SLC9A9: variants seen among roughly 807,000 people sequenced by gnomAD.
SLC9A9 encodes the protein solute carrier family 9 member A9.
Under a neutral mutation model 77.8 loss-of-function variants are expected in SLC9A9, and 62 were observed. The observed-to-expected ratio is 0.80, with a 90% CI of 0.65 to 0.98. SLC9A9 has a LOEUF of 0.98. SLC9A9 is among the 50% of genes least tolerant of loss of function. The probability of loss-of-function intolerance (pLI) is 0.00; values close to 1 mark genes in which losing one functional copy is unlikely to be tolerated. For missense variants in SLC9A9, 775 were observed against 774.9 expected (o/e 1.00, Z 0.00); for synonymous variants, 320 against 283.5 (o/e 1.13, Z -1.29).
intron 4 of SLC9A9, among the ~76,000 whole-genome samples, chr3:143,695,150 C>T (rs528180718): frequency 2.6e-5 from 4 of 152,190 alleles, no homozygotes; most frequent in African/African-American, 9.6e-5. Flanking sequence ...TAGCTTCATT[C>T]AGCTTATTTA....
chr3:143,447,367 A>G (rs2034864911), intron 12 of SLC9A9, among the ~76,000 whole-genome samples: 1 of 152,188 alleles, frequency 6.6e-6, no homozygotes, highest in African/African-American at 2.4e-5. Context: ...AAACAATACT[A>G]TTATATCATT....
At chr3:143,274,637 A>G (rs1209150098) in intron 14 of SLC9A9, among the ~76,000 whole-genome samples, 2 of 152,186 alleles carry the variant, frequency 1.3e-5, no homozygotes, top group Non-Finnish European at 2.9e-5. Flanking sequence ...TCACCATGCC[A>G]CTGGTTATAG....
At position 143,591,014 on chromosome 3, in the gene SLC9A9, T is replaced by A. The variant is rs2037636565; in HGVS notation, c.756-12291A>T. On this transcript the variant is annotated intron_variant, in intron 6 of 15. Coordinates refer to ENST00000316549, the MANE Select transcript of SLC9A9 (RefSeq NM_173653.4). ...AAAGGAGTCTTCATAGACAATGGGC[T>A]GCCTTCTTAATCTGGGTGCCTTTCA... is the stretch of plus-strand genomic sequence containing the variant. Among the ~76,000 whole-genome samples the A allele has an allele frequency of 2.0e-5, 3 of 152,210 alleles. No individual in the cohort carries two copies. The South Asian group carries it at 6.2e-4, about 31-fold the overall frequency.
At chr3:143,748,692 C>CTTTTT (rs35698779) in intron 4 of SLC9A9, among the ~76,000 whole-genome samples, 26 of 106,006 alleles carry the variant, frequency 2.5e-4, no homozygotes, top group South Asian at 3.6e-4. Context: ...TTTGACCAAG[C>CTTTTT]TTTTTTTTTT....
At chr3:143,445,865 A>G (rs1442517735) in intron 12 of SLC9A9, among the ~76,000 whole-genome samples, 1 of 152,182 alleles carries the variant, frequency 6.6e-6, no homozygotes, top group Non-Finnish European at 1.5e-5. Context: ...AATAAAATGC[A>G]AAGTGAAGCT....
chr3:143,345,792 A>G (rs572411007), intron 14 of SLC9A9, among the ~76,000 whole-genome samples: 13 of 152,288 alleles, frequency 8.5e-5, no homozygotes, highest in African/African-American at 2.6e-4. Context: ...CCAGATGGGT[A>G]TAACAAAAAG....
At chr3:143,637,913 C>G (rs2038553018) in intron 6 of SLC9A9, among the ~76,000 whole-genome samples, 1 of 152,184 alleles carries the variant, frequency 6.6e-6, no homozygotes, top group African/African-American at 2.4e-5. Flanking sequence ...TCCATGAAAA[C>G]TTGTATTAGA....
chr3:143,751,213 TTGCAGA>T (rs1285982650), intron 4 of SLC9A9, among the ~76,000 whole-genome samples: 12 of 152,284 alleles, frequency 7.9e-5, no homozygotes, highest in Non-Finnish European at 1.8e-4. Flanking sequence ...GGAGAAAAGG[TTGCAGA>T]CTCTCTGAAG....
At chr3:143,459,160 T>G (rs370793763) in intron 12 of SLC9A9, among the ~76,000 whole-genome samples, 77 of 152,238 alleles carry the variant, frequency 5.1e-4, no homozygotes, top group African/African-American at 1.4e-3. Flanking sequence ...TGTATGCTCT[T>G]ACTTCTTGGG....
chr3:143,278,954 G>GAACT (rs1204044534), intron 14 of SLC9A9, among the ~76,000 whole-genome samples: 1 of 151,242 alleles, frequency 6.6e-6, no homozygotes, highest in Non-Finnish European at 1.5e-5. Flanking sequence ...ACAAAAAATG[G>GAACT]AACTAACTAA....
chr3:143,615,465 C>A (rs919197663), intron 6 of SLC9A9, among the ~76,000 whole-genome samples: 1 of 152,098 alleles, frequency 6.6e-6, no homozygotes, highest in African/African-American at 2.4e-5. Context: ...TTGCCCATGC[C>A]CTTATGCCAC....
At chr3:143,805,372 C>T (rs1234863076) in intron 2 of SLC9A9, among the ~76,000 whole-genome samples, 1 of 152,106 alleles carries the variant, frequency 6.6e-6, no homozygotes, top group Non-Finnish European at 1.5e-5. Context: ...CCCTGAGAAA[C>T]ATCGCCCATT....
intron 9 of SLC9A9, among the ~76,000 whole-genome samples, chr3:143,533,475 G>A (rs2036546255): frequency 6.6e-6 from 1 of 152,120 alleles, no homozygotes; most frequent in African/African-American, 2.4e-5. Flanking sequence ...AAGCAGAAGA[G>A]GCTCCAAAAA....
At chr3:143,422,142 G>A (rs1180074077) in intron 12 of SLC9A9, among the ~76,000 whole-genome samples, 1 of 152,200 alleles carries the variant, frequency 6.6e-6, no homozygotes, top group African/African-American at 2.4e-5. Flanking sequence ...ATACACTGTA[G>A]ATGGGAATGT....
rs2036370417 is a variant in SLC9A9 at position 143,524,506 on chromosome 3, C to G, written c.1089+27856G>C. ...TGACTACATTTTCTTTTTTATAGGT[C>G]AATGGCCATTTTGAAAATGTTTGAC... is the stretch of plus-strand genomic sequence containing the variant. On this transcript the variant is annotated intron_variant, in intron 9 of 15. Transcript: ENST00000316549. Among the ~76,000 whole-genome samples, 2 of 152,082 alleles carry G rather than the reference C, an allele frequency of 1.3e-5. 1 individual carries two copies. The highest frequency in any genetic ancestry group is 4.2e-4 in the South Asian group (2 of 4,818).
chr3:143,487,925 A>G (rs1212987839), intron 11 of SLC9A9, among the ~76,000 whole-genome samples: 2 of 151,734 alleles, frequency 1.3e-5, no homozygotes, highest in African/African-American at 2.4e-5. Flanking sequence ...ATAGAAAAAT[A>G]ATAGAAAAAA....
chr3:143,560,346 G>T (rs972550499), intron 8 of SLC9A9, among the ~76,000 whole-genome samples: 1 of 152,110 alleles, frequency 6.6e-6, no homozygotes, highest in Non-Finnish European at 1.5e-5. Context: ...GTCCCCAAAA[G>T]ATATTTTTCC....
intron 12 of SLC9A9, among the ~76,000 whole-genome samples, chr3:143,386,624 G>T (rs2033433293): frequency 1.3e-5 from 2 of 152,134 alleles, no homozygotes; most frequent in Admixed American, 1.3e-4. Flanking sequence ...TTATTTTTCA[G>T]TACTTATCAG....
intron 6 of SLC9A9, among the ~76,000 whole-genome samples, chr3:143,584,647 C>A (rs911122011): frequency 1.8e-4 from 27 of 152,300 alleles, no homozygotes; most frequent in Non-Finnish European, 8.8e-5. Context: ...TTGAAAAGTT[C>A]TTGATTAGTT....
Sources: gnomAD v4.1 joint callset for allele counts (sites outside exome capture counted in the v4.1 genomes callset) on GRCh38, gnomAD v4.1.1 for gene constraint, MANE v1.5 for transcripts, NCBI Gene and HGNC (gene_info 2026-07-23, HGNC 2026-07-21) for gene names.